Variants in PTPRG observed in about 807,000 individuals in gnomAD.
PTPRG encodes the protein protein tyrosine phosphatase receptor type G.
PTPRG carries 102 observed loss-of-function variants against 165.3 expected under a neutral mutation model. That is an observed-to-expected ratio of 0.62 (90% CI 0.53 to 0.73). The LOEUF (loss-of-function observed/expected upper bound fraction) is 0.73, where lower values mean the gene tolerates loss of function less well. PTPRG is among the 30% of genes least tolerant of loss of function. PTPRG has a pLI of 0.00. For missense variants in PTPRG, 1,866 were observed against 1,861.4 expected, an observed-to-expected ratio of 1.00 and a Z score of -0.05; for synonymous variants, 675 against 669.5, an observed-to-expected ratio of 1.01 and a Z score of -0.13.
At chr3:61,906,169 T>A (rs187757335) in intron 2 of PTPRG, among the ~76,000 whole-genome samples, 138 of 151,868 alleles carry the variant, frequency 9.1e-4, no homozygotes, top group African/African-American at 3.2e-3. Flanking sequence ...TTATAGGGAC[T>A]TGGGGCTGGG....
At position 61,815,395 on chromosome 3, in the gene PTPRG, C is replaced by T. The variant is rs536847643; in HGVS notation, c.190+66413C>T. Among the ~76,000 whole-genome samples the T allele has an allele frequency of 5.3e-5, 8 of 151,902 alleles. No individual in the cohort carries two copies. In the East Asian group the frequency reaches 1.4e-3, roughly 26 times the overall value. ...TCCAGACTGGGCAACAGAACGAGAC[C>T]GTCTCAAAAATTAAAATTAAAAATA... On this transcript the variant is annotated intron_variant, in intron 2 of 29. Coordinates refer to ENST00000474889, the MANE Select transcript of PTPRG (RefSeq NM_002841.4).
At chr3:61,598,746 AGT>A (rs1700765203) in intron 1 of PTPRG, among the ~76,000 whole-genome samples, 1 of 152,098 alleles carries the variant, frequency 6.6e-6, no homozygotes, top group Non-Finnish European at 1.5e-5. Context: ...GAAATCTGAG[AGT>A]GTAGGCAGAG....
chr3:62,021,059 T>A (rs2041677553), intron 4 of PTPRG, among the ~76,000 whole-genome samples: 1 of 152,166 alleles, frequency 6.6e-6, no homozygotes, highest in South Asian at 2.1e-4. Flanking sequence ...ACTGTGTGAG[T>A]ACGACTCTGG....
intron 2 of PTPRG, among the ~76,000 whole-genome samples, chr3:61,837,837 TC>T (rs2107318766): frequency 6.6e-6 from 1 of 152,294 alleles, no homozygotes; most frequent in East Asian, 1.9e-4. Flanking sequence ...CAGTCAAATA[TC>T]AGTGTATTGC....
chr3:62,248,255 A>C (rs1190068266), intron 15 of PTPRG, among the ~76,000 whole-genome samples: 1 of 152,210 alleles, frequency 6.6e-6, no homozygotes, highest in Non-Finnish European at 1.5e-5. Context: ...TGTTCCATGC[A>C]TGACATATGG....
chr3:61,903,829 A>G (rs2038566598), intron 2 of PTPRG, among the ~76,000 whole-genome samples: 1 of 152,242 alleles, frequency 6.6e-6, no homozygotes, highest in African/African-American at 2.4e-5. Context: ...CAATCAGGTC[A>G]TATGGTGGTC....
chr3:62,131,266 G>A (rs187609918), intron 5 of PTPRG, among the ~76,000 whole-genome samples: 179 of 152,110 alleles, frequency 1.2e-3, no homozygotes, highest in African/African-American at 4.3e-3. Context: ...AACGAAAAAC[G>A]TCTCCAGACA....
At chr3:61,666,951 T>C (rs183338258) in intron 1 of PTPRG, among the ~76,000 whole-genome samples, 2 of 152,366 alleles carry the variant, frequency 1.3e-5, no homozygotes, top group East Asian at 1.9e-4. Flanking sequence ...AGTAATTGTT[T>C]TTACATTTAG....
intron 4 of PTPRG, among the ~76,000 whole-genome samples, chr3:62,069,914 G>A (rs1701155177): frequency 6.6e-6 from 1 of 151,904 alleles, no homozygotes; most frequent in Admixed American, 6.6e-5. Context: ...CATTATAGAG[G>A]GTAATCAGCT....
intron 5 of PTPRG, among the ~76,000 whole-genome samples, chr3:62,085,378 CA>C (rs1701719123): frequency 6.6e-6 from 1 of 152,124 alleles, no homozygotes; most frequent in South Asian, 2.1e-4. Context: ...CCTGGGGCTC[CA>C]TTGGATCAAA....
At position 61,857,798 on chromosome 3, in the gene PTPRG, T is replaced by G. The variant is rs375756976; in HGVS notation, c.190+108816T>G. ...TTTTTTCTGCAATCAAATATGGCTT[T>G]CTTTCTCCTTTGGAAGAAATGACGT... is the stretch of plus-strand genomic sequence containing the variant. On this transcript the variant is annotated intron_variant, in intron 2 of 29. Coordinates refer to ENST00000474889, the MANE Select transcript of PTPRG (RefSeq NM_002841.4). Among the ~76,000 whole-genome samples, 9 of 152,336 alleles carry G rather than the reference T, an allele frequency of 5.9e-5. No individual in the cohort carries two copies. In the East Asian group the frequency reaches 1.2e-3, roughly 20 times the overall value.
At chr3:61,607,053 G>C (rs1174382858) in intron 1 of PTPRG, among the ~76,000 whole-genome samples, 1 of 152,214 alleles carries the variant, frequency 6.6e-6, no homozygotes, top group Non-Finnish European at 1.5e-5. Context: ...CATTGTCTTA[G>C]GAAAGAGGAC....
intron 2 of PTPRG, among the ~76,000 whole-genome samples, chr3:61,874,658 A>G (rs924429549): frequency 6.6e-6 from 1 of 152,040 alleles, no homozygotes; most frequent in Non-Finnish European, 1.5e-5. Flanking sequence ...GGCAATTTTG[A>G]TTGTTAGGCT....
intron 4 of PTPRG, among the ~76,000 whole-genome samples, chr3:62,060,177 A>T (rs1321075919): frequency 6.9e-6 from 1 of 145,910 alleles, no homozygotes; most frequent in East Asian, 2.0e-4. Context: ...ACACCACCGC[A>T]CTCTAGCCTG....
intron 28 of PTPRG, among the ~76,000 whole-genome samples, chr3:62,289,707 C>CA (rs200505444): frequency 0.02 from 2,815 of 140,328 alleles, 62 homozygotes; most frequent in Middle Eastern, 0.034. Context: ...ATCCCCCCCC[C>CA]CCAAAAAAAA....
chr3:61,875,645 GCACA>G (rs1040530245), intron 2 of PTPRG, among the ~76,000 whole-genome samples: 1 of 151,812 alleles, frequency 6.6e-6, no homozygotes, highest in African/African-American at 2.4e-5. Flanking sequence ...ATGCACATGC[GCACA>G]CACACACGGC....
intron 5 of PTPRG, among the ~76,000 whole-genome samples, chr3:62,121,337 A>G (rs528336106): frequency 7.9e-5 from 12 of 152,222 alleles, no homozygotes; most frequent in African/African-American, 2.9e-4. Context: ...GAACTGTGCT[A>G]AATACTCATT....
At chr3:62,176,656 T>C (rs1705437840) in intron 8 of PTPRG, among the ~76,000 whole-genome samples, 1 of 152,090 alleles carries the variant, frequency 6.6e-6, no homozygotes. Context: ...TTATCTTGGG[T>C]GCTCAGGGCA....
intron 1 of PTPRG, among the ~76,000 whole-genome samples, chr3:61,600,173 A>ATATAT (rs1553639767): frequency 6.5e-5 from 8 of 123,484 alleles, no homozygotes; most frequent in African/African-American, 2.4e-4. Flanking sequence ...AAAAAAAAAA[A>ATATAT]ATATATATAT....
Sources: gnomAD v4.1 joint callset for allele counts (sites outside exome capture counted in the v4.1 genomes callset) on GRCh38, gnomAD v4.1.1 for gene constraint, MANE v1.5 for transcripts, NCBI Gene and HGNC (gene_info 2026-07-23, HGNC 2026-07-21) for gene names.